The following SAP130 variants were observed in gnomAD, a reference collection of about 807,000 sequenced individuals.
SAP130 encodes the protein Sin3A associated protein 130, also known as histone deacetylase complex subunit SAP130.
Under a neutral mutation model 103.2 loss-of-function variants are expected in SAP130, and 16 were observed. That is an observed-to-expected ratio of 0.16 (90% CI 0.10 to 0.24). The LOEUF (loss-of-function observed/expected upper bound fraction) is 0.24, where lower values mean the gene tolerates loss of function less well. SAP130 is among the 10% of genes least tolerant of loss of function. The probability of loss-of-function intolerance (pLI) is 1.00; values close to 1 mark genes in which losing one functional copy is unlikely to be tolerated. For synonymous variants in SAP130, 477 were observed against 497.0 expected (o/e 0.96, Z 0.53); for missense variants, 990 against 1,359.7 (o/e 0.73, Z 4.28).
chr2:127,968,672 C>T (rs1333504068), intron 15 of SAP130, among the ~76,000 whole-genome samples: 5 of 151,922 alleles, frequency 3.3e-5, no homozygotes, highest in Non-Finnish European at 5.9e-5. Flanking sequence ...TGCACCACTA[C>T]GCCTGGCTAA....
intron 18 of SAP130, among the ~76,000 whole-genome samples, chr2:127,947,764 C>CTGTGTGTGTCTGTGTGTGTGAGTG (rs1553500402): frequency 2.0e-4 from 29 of 143,422 alleles, no homozygotes; most frequent in Admixed American, 4.9e-4. Flanking sequence ...TTGTGTGTGT[C>CTGTGTGTGTCTGTGTGTGTGAGTG]TGTGTGTGTG....
intron 2 of SAP130, among the ~76,000 whole-genome samples, chr2:128,021,454 A>C (rs1371051886): frequency 1.3e-5 from 2 of 152,016 alleles, no homozygotes; most frequent in East Asian, 3.9e-4. Flanking sequence ...CTCAAAAAAA[A>C]AAAAAAACAA....
At chr2:128,007,349 T>C (rs2105140717) in intron 7 of SAP130, among the ~76,000 whole-genome samples, 1 of 152,274 alleles carries the variant, frequency 6.6e-6, no homozygotes, top group African/African-American at 2.4e-5. Flanking sequence ...TTAGAGTACA[T>C]GGGAGGAGGT....
At chr2:128,017,941 AG>A (rs937253026) in intron 2 of SAP130, 26 bp from the exon 3 acceptor site, 2 of 1,560,790 alleles carry the variant, frequency 1.3e-6, no homozygotes, top group African/African-American at 2.7e-5. Flanking sequence ...AGAGTGAGAC[AG>A]TATGTCACAG....
At chr2:127,999,999 C>A in intron 9 of SAP130, 57 bp downstream of exon 9, 1 of 1,539,694 alleles carries the variant, frequency 6.5e-7, no homozygotes, top group East Asian at 2.3e-5. Flanking sequence ...AAAAATTAAC[C>A]CATCACTCTT....
chr2:128,017,567 AG>A, intron 3 of SAP130, 112 bp downstream of exon 3: 1 of 933,928 alleles, frequency 1.1e-6, no homozygotes, highest in South Asian at 1.6e-5. Context: ...TATGTCATAA[AG>A]AAAAAATGAA....
chr2:128,026,065 A>G, intron 2 of SAP130, 116 bp downstream of exon 2: 1 of 749,532 alleles, frequency 1.3e-6, no homozygotes, highest in Non-Finnish European at 2.2e-6. Context: ...CCCTTTCTTC[A>G]AATTCAAGAA....
At chr2:127,997,644 T>C (rs1003845106) in intron 10 of SAP130, among the ~76,000 whole-genome samples, 7 of 152,206 alleles carry the variant, frequency 4.6e-5, no homozygotes, top group Non-Finnish European at 7.4e-5. Flanking sequence ...GCAGTGGGGA[T>C]GGTGAGCAGG....
At chr2:127,957,842 A>T (rs1386436644) in intron 15 of SAP130, among the ~76,000 whole-genome samples, 2 of 152,156 alleles carry the variant, frequency 1.3e-5, no homozygotes, top group Non-Finnish European at 2.9e-5. Context: ...ACAGTAAATA[A>T]GAGAGAAAAA....
At position 127,963,289 on chromosome 2, in the gene SAP130, G is replaced by C. The variant is rs1172383528; in HGVS notation, c.2064-7945C>G. On this transcript the variant is annotated intron_variant, in intron 15 of 20. Transcript: ENST00000643581. The stretch of plus-strand genomic sequence containing the variant: ...CTATCACCCAGACTGGAGTACAGCG[G>C]CATGATGCTGGCTCACTGTAGCCTC... Among the ~76,000 whole-genome samples the C allele has an allele frequency of 2.6e-5, 4 of 152,112 alleles. No individual in the cohort carries two copies. In the East Asian group the frequency reaches 7.7e-4, roughly 29 times the overall value.
intron 15 of SAP130, among the ~76,000 whole-genome samples, chr2:127,964,916 T>C (rs1436737391): frequency 1.3e-5 from 2 of 151,518 alleles, no homozygotes; most frequent in Non-Finnish European, 2.9e-5. Flanking sequence ...CAAGAATCAC[T>C]TGAACCCGGG....
At chr2:127,958,125 T>TA (rs1356910986) in intron 15 of SAP130, among the ~76,000 whole-genome samples, 1 of 152,076 alleles carries the variant, frequency 6.6e-6, no homozygotes, top group Non-Finnish European at 1.5e-5. Flanking sequence ...ACTTAAAGTA[T>TA]AAAAAAAGGC....
chr2:127,948,699 G>A (rs1679295575), intron 18 of SAP130, among the ~76,000 whole-genome samples: 1 of 152,082 alleles, frequency 6.6e-6, no homozygotes, highest in African/African-American at 2.4e-5. Flanking sequence ...TATTTTATAG[G>A]TGAGGCAAAA....
At chr2:127,943,599 A>G (rs1678857294) in intron 19 of SAP130, among the ~76,000 whole-genome samples, 1 of 152,242 alleles carries the variant, frequency 6.6e-6, no homozygotes, top group Admixed American at 6.5e-5. Context: ...ACTGAAACAC[A>G]GTGTTAAGTA....
rs573553292 is a variant in SAP130, at chr2:127,964,947, C to T, written c.2064-9603G>A. ...CCGGGAGGCGGAAGTTGCAGTGAGC[C>T]GAGAACGCGCCACTGCGCTCCAGCC... On this transcript the variant is annotated intron_variant, in intron 15 of 20. Coordinates refer to ENST00000643581, the MANE Select transcript of SAP130 (RefSeq NM_001330301.2). Among the ~76,000 whole-genome samples, 14 of 147,424 alleles carry T rather than the reference C, an allele frequency of 9.5e-5. No individual in the cohort carries two copies. In the South Asian group the frequency reaches 1.5e-3, roughly 16 times the overall value.
intron 12 of SAP130, among the ~76,000 whole-genome samples, chr2:127,992,355 A>G (rs1258049268): frequency 8.6e-5 from 13 of 150,438 alleles, no homozygotes; most frequent in Non-Finnish European, 2.9e-5. Flanking sequence ...ATAGTGGCTC[A>G]CTGCAGCCTC....
intron 11 of SAP130, among the ~76,000 whole-genome samples, chr2:127,993,817 A>T (rs2105041636): frequency 6.6e-6 from 1 of 152,298 alleles, no homozygotes; most frequent in South Asian, 2.1e-4. Flanking sequence ...ATTCACCAGC[A>T]CAATCATGGT....
At chr2:127,958,872 TG>T (rs1680036227) in intron 15 of SAP130, among the ~76,000 whole-genome samples, 1 of 152,184 alleles carries the variant, frequency 6.6e-6, no homozygotes. Flanking sequence ...TTGACCAGGC[TG>T]GTCTTGTACT....
Position 127,989,288 on chromosome 2 carries a change from A to G in SAP130, c.1780+276T>C, listed in dbSNP as rs913345294. On this transcript the variant is annotated intron_variant, in intron 13 of 20. Coordinates refer to ENST00000643581, the MANE Select transcript of SAP130 (RefSeq NM_001330301.2). This position sits in a 1 kb window ranked among gnomAD's most constrained non-coding sequence, Gnocchi z 4.6. ...TAATTTTTTTGTATTTTTAGTAGAC[A>G]GGGTTTTACCACGTTAGCCTGGATA... 1.3e-5 allele frequency among the ~76,000 whole-genome samples: 2 copies of G among 151,974 alleles called. No homozygotes were observed. The highest frequency in any genetic ancestry group is 4.8e-5 in the African/African-American group (2 of 41,376).
Sources: allele counts gnomAD v4.1 joint callset (sites outside exome capture counted in the v4.1 genomes callset), GRCh38; gene constraint gnomAD v4.1.1; non-coding constraint Gnocchi (gnomAD v3.1); transcripts MANE v1.5; gene names NCBI Gene and HGNC (gene_info 2026-07-23, HGNC 2026-07-21).